Variants in PIBF1 observed in about 807,000 individuals in gnomAD.
PIBF1 encodes progesterone immunomodulatory binding factor 1, also known as progesterone-induced-blocking factor 1.
In PIBF1, 90 loss-of-function variants were observed where a neutral mutation model predicts 112.5. That is an observed-to-expected ratio of 0.80 (90% CI 0.67 to 0.95). PIBF1 has a LOEUF of 0.95. PIBF1 is among the 40% of genes least tolerant of loss of function. The pLI, the probability that PIBF1 is intolerant of heterozygous loss-of-function variation, is 0.00. For missense variants in PIBF1, 915 were observed against 852.3 expected (o/e 1.07, Z -0.92); for synonymous variants, 301 against 288.6 (o/e 1.04, Z -0.44).
chr13:73,016,045 A>G lies in PIBF1; in HGVS notation c.*126A>G, dbSNP rs2044373500. 2 of 383,216 alleles carry G rather than the reference A, an allele frequency of 5.2e-6. No homozygotes were observed. The highest frequency in any genetic ancestry group is 1.8e-4 in the South Asian group (2 of 11,178). The allele number at this position is 383,216 out of a possible 1,614,324, so 23.7% of individuals were successfully genotyped here. On this transcript the variant is annotated 3_prime_UTR_variant, in exon 18 of 18. Coordinates refer to ENST00000326291, the MANE Select transcript of PIBF1 (RefSeq NM_006346.4). ...AATAACAATGTTTATTTGAACTAAT[A>G]TTAAATTAACAAATTCAGTGTAATC...
At chr13:73,010,209 CTCTAA>C in intron 17 of PIBF1, among the ~76,000 whole-genome samples, 4 of 148,942 alleles carry the variant, frequency 2.7e-5, no homozygotes, top group Admixed American at 6.8e-5. Flanking sequence ...ATGGCCAATA[CTCTAA>C]TATTTTCTAT....
At chr13:72,938,228 A>G (rs953883322) in intron 14 of PIBF1, among the ~76,000 whole-genome samples, 4 of 152,176 alleles carry the variant, frequency 2.6e-5, no homozygotes, top group African/African-American at 9.7e-5. Context: ...CATTTTAACC[A>G]TTTTAAAGTA....
Position 72,907,339 on chromosome 13 carries a change from A to G in PIBF1, c.1489-1192A>G, listed in dbSNP as rs538847120. 3.3e-5 allele frequency among the ~76,000 whole-genome samples: 5 copies of G among 152,268 alleles called. No homozygotes were observed. In the South Asian group the frequency reaches 1.0e-3, roughly 32 times the overall value. On this transcript the variant is annotated intron_variant, in intron 11 of 17. Transcript: ENST00000326291. Reference sequence around the variant, plus strand: ...CATCACAGAAAACATATAATCATACACATTTTGTATTGTGAACTTTATGTC... The same window carrying G: ...CATCACAGAAAACATATAATCATACGCATTTTGTATTGTGAACTTTATGTC...
At chr13:72,826,908 G>T in intron 6 of PIBF1, 102 bp from the exon 7 acceptor site, 1 of 540,534 alleles carries the variant, frequency 1.9e-6, no homozygotes, top group South Asian at 3.7e-5. Context: ...CCCATTGCTA[G>T]TGTCTCTATT....
intron 11 of PIBF1, among the ~76,000 whole-genome samples, chr13:72,901,455 G>A (rs764925385): frequency 5.9e-5 from 9 of 152,176 alleles, no homozygotes; most frequent in Non-Finnish European, 7.3e-5. Context: ...TTGGGAGACC[G>A]AGGCAGGCGG....
intron 16 of PIBF1, among the ~76,000 whole-genome samples, chr13:72,994,595 A>T (rs1221448886): frequency 1.3e-5 from 2 of 152,218 alleles, no homozygotes; most frequent in Non-Finnish European, 2.9e-5. Context: ...CCACTGACCA[A>T]TCAGAAAAAT....
At chr13:72,973,782 T>C in intron 16 of PIBF1, 107 bp downstream of exon 16, 1 of 633,334 alleles carries the variant, frequency 1.6e-6, no homozygotes, top group Non-Finnish European at 2.8e-6. Context: ...TAATGACTTC[T>C]CTTATTTATG....
At chr13:72,886,306 T>C (rs2039850471) in intron 10 of PIBF1, among the ~76,000 whole-genome samples, 1 of 151,966 alleles carries the variant, frequency 6.6e-6, no homozygotes, top group Non-Finnish European at 1.5e-5. Context: ...TTTTGAGTGC[T>C]ATGAAGCACT....
rs1292060448 is a variant in PIBF1 at position 72,960,411 on chromosome 13, AT to A, written c.1834-4862del. ...CAGAGTGAGATCCTGTCTCAAAAAA[AT>A]ATATGTATATATTAAAACCTAATAT... is the stretch of plus-strand genomic sequence containing the variant. On this transcript the variant is annotated intron_variant, in intron 14 of 17. Coordinates refer to ENST00000326291, the MANE Select transcript of PIBF1 (RefSeq NM_006346.4). Among the ~76,000 whole-genome samples the A allele has an allele frequency of 3.9e-5, 6 of 152,196 alleles. No individual in the cohort carries two copies. The East Asian group carries it at 7.7e-4, about 20-fold the overall frequency.
Position 72,822,723 on chromosome 13 carries a change from T to G in PIBF1, c.806+741T>G, listed in dbSNP as rs562691658. 2.6e-5 allele frequency among the ~76,000 whole-genome samples: 4 copies of G among 152,374 alleles called. No individual in the cohort carries two copies. In the East Asian group the frequency reaches 7.7e-4, roughly 29 times the overall value. On this transcript the variant is annotated intron_variant, in intron 6 of 17. Coordinates refer to ENST00000326291, the MANE Select transcript of PIBF1 (RefSeq NM_006346.4). ...TGTTAAATGAATGAATGATTTAAAT[T>G]GTGTAATTTAAATTACAAATTGCAT...
chr13:72,995,029 C>T (rs1378849092), intron 16 of PIBF1, among the ~76,000 whole-genome samples: 4 of 151,994 alleles, frequency 2.6e-5, no homozygotes, highest in Admixed American at 6.6e-5. Context: ...CGGACAGGTG[C>T]GGTGGCTCAC....
intron 17 of PIBF1, among the ~76,000 whole-genome samples, chr13:73,009,380 G>A (rs186239313): frequency 5.9e-5 from 9 of 152,310 alleles, no homozygotes; most frequent in Admixed American, 5.2e-4. Flanking sequence ...AGCAACCTCT[G>A]CACTTGATCT....
At chr13:72,854,770 C>G (rs1160585879) in intron 10 of PIBF1, among the ~76,000 whole-genome samples, 2 of 150,790 alleles carry the variant, frequency 1.3e-5, no homozygotes, top group Admixed American at 6.6e-5. Context: ...TTTTAAAAAA[C>G]CTGCCAATGG....
intron 16 of PIBF1, among the ~76,000 whole-genome samples, chr13:72,988,405 A>G (rs926777557): frequency 6.6e-6 from 1 of 152,020 alleles, no homozygotes; most frequent in Non-Finnish European, 1.5e-5. Context: ...AGTGGAAGCA[A>G]GTATCTAGAT....
intron 13 of PIBF1, among the ~76,000 whole-genome samples, chr13:72,929,237 A>G (rs761675361): frequency 6.6e-6 from 1 of 152,364 alleles, no homozygotes; most frequent in Admixed American, 6.5e-5. Context: ...AGAGCTAATG[A>G]TAAACTGATG....
intron 17 of PIBF1, among the ~76,000 whole-genome samples, chr13:73,007,866 G>A (rs1481295780): frequency 1.3e-5 from 2 of 151,240 alleles, no homozygotes; most frequent in Non-Finnish European, 2.9e-5. Context: ...TACAAGAACA[G>A]ACCATGGACC....
At chr13:72,901,778 G>A (rs890215321) in intron 11 of PIBF1, among the ~76,000 whole-genome samples, 2 of 151,928 alleles carry the variant, frequency 1.3e-5, no homozygotes, top group Non-Finnish European at 2.9e-5. Flanking sequence ...ATCTAGTACA[G>A]CTGCTATGGA....
At position 72,985,371 on chromosome 13, in the gene PIBF1, C is replaced by CAAAAAAAAAAAAAAAAAAA. The variant is rs67195605; in HGVS notation, c.2049+11700_2049+11718dup. On this transcript the variant is annotated intron_variant, in intron 16 of 17. Coordinates refer to ENST00000326291, the MANE Select transcript of PIBF1 (RefSeq NM_006346.4). ...TGAAACCCTGTCTCTACTAAAAATA[C>CAAAAAAAAAAAAAAAAAAA]AAAAAAAAAAAAAAAAAAAAAAGCC... 2.6e-5 allele frequency among the ~76,000 whole-genome samples: 2 copies of CAAAAAAAAAAAAAAAAAAA among 76,284 alleles called. 1 individual carries two copies. The allele number at this position is 76,284 out of a possible 152,430, so 50.0% of individuals were successfully genotyped here. A position where few individuals can be genotyped will look rare whatever the true frequency, so the allele number is the denominator to read the frequency against.
At chr13:72,889,481 A>C (rs892938604) in intron 10 of PIBF1, among the ~76,000 whole-genome samples, 2 of 152,190 alleles carry the variant, frequency 1.3e-5, no homozygotes, top group African/African-American at 4.8e-5. Flanking sequence ...TTCTTTCTTT[A>C]TTGACCCATC....
Sources: gnomAD v4.1 joint callset for allele counts (sites outside exome capture counted in the v4.1 genomes callset) on GRCh38, gnomAD v4.1.1 for gene constraint, MANE v1.5 for transcripts, NCBI Gene and HGNC (gene_info 2026-07-23, HGNC 2026-07-21) for gene names.